Variants in TTC7B observed in about 807,000 individuals in gnomAD.
TTC7B encodes tetratricopeptide repeat protein 7B.
A neutral mutation model predicts 106.8 loss-of-function variants in TTC7B; 28 were observed. The ratio of observed to expected loss-of-function variants is 0.26; its 90% CI spans 0.19 to 0.36. The LOEUF (loss-of-function observed/expected upper bound fraction) is 0.36, where lower values mean the gene tolerates loss of function less well. Ranked by LOEUF, TTC7B falls within the 10% of genes least tolerant of loss-of-function variation. TTC7B has a pLI of 1.00. For missense variants in TTC7B, 862 were observed against 1,076.4 expected (o/e 0.80, Z 2.79); for synonymous variants, 405 against 430.6 (o/e 0.94, Z 0.74).
At position 90,617,944 on chromosome 14, in the gene TTC7B, T is replaced by C. The variant is rs1220385584; in HGVS notation, c.1853A>G (p.Asn618Ser). 13 of 1,613,532 alleles carry C rather than the reference T, an allele frequency of 8.1e-6. No individual in the cohort carries two copies. The highest frequency in any genetic ancestry group is 1.1e-5 in the Non-Finnish European group (13 of 1,179,616). Residue 618 changes from asparagine to serine, a missense_variant, in exon 16 of 20, where the codon AAC becomes AGC. Coordinates refer to ENST00000328459, the MANE Select transcript of TTC7B (RefSeq NM_001010854.2). The stretch of plus-strand genomic sequence containing the variant: ...GGCCTCTTACCTGGGGTTGGTGAGG[T>C]TGTAGCAGGATTTCCATATCTGCAG... ...HMLQIWKSCY[N>S]LTNPSDSGRG...
Position 90,618,746 on chromosome 14 carries a change from G to A in TTC7B, c.1752-701C>T, listed in dbSNP as rs538083555. Reference sequence around the variant, plus strand: ...CAGATTCTACTTATGTTTCTCTGCCGACATCAGCCTAGGTACCTGTAGACA... The same window carrying A: ...CAGATTCTACTTATGTTTCTCTGCCAACATCAGCCTAGGTACCTGTAGACA... On this transcript the variant is annotated intron_variant, in intron 15 of 19. Coordinates refer to ENST00000328459, the MANE Select transcript of TTC7B (RefSeq NM_001010854.2). Among the ~76,000 whole-genome samples, 7 of 152,246 alleles carry A rather than the reference G, an allele frequency of 4.6e-5. No individual in the cohort carries two copies. In the South Asian group the frequency reaches 1.5e-3, roughly 32 times the overall value.
intron 7 of TTC7B, among the ~76,000 whole-genome samples, chr14:90,689,019 G>A (rs957942749): frequency 2.6e-4 from 39 of 151,996 alleles, no homozygotes; most frequent in African/African-American, 9.4e-4. Flanking sequence ...AGGTGATCAA[G>A]TCTCAAATTT....
intron 1 of TTC7B, among the ~76,000 whole-genome samples, chr14:90,800,660 A>C (rs1004788473): frequency 2.0e-5 from 3 of 151,986 alleles, no homozygotes; most frequent in Non-Finnish European, 2.9e-5. Context: ...AAATACAAAA[A>C]ATTAGCCGGG....
intron 5 of TTC7B, among the ~76,000 whole-genome samples, chr14:90,714,122 T>C (rs1416685334): frequency 6.6e-6 from 1 of 151,692 alleles, no homozygotes; most frequent in Non-Finnish European, 1.5e-5. Context: ...CCCAGCTACT[T>C]GGGAGGCTGA....
chr14:90,612,676 G>A (rs1175452816), intron 16 of TTC7B, among the ~76,000 whole-genome samples: 2 of 152,168 alleles, frequency 1.3e-5, no homozygotes, highest in African/African-American at 4.8e-5. Flanking sequence ...ATGAAGATAA[G>A]GATTGTTGTC....
chr14:90,762,237 T>C (rs937650944), intron 3 of TTC7B, among the ~76,000 whole-genome samples: 2 of 152,204 alleles, frequency 1.3e-5, no homozygotes, highest in African/African-American at 2.4e-5. Context: ...ACACCATTGC[T>C]GGCAAAGGTG....
At chr14:90,572,738 C>A (rs1891081772) in intron 19 of TTC7B, among the ~76,000 whole-genome samples, 1 of 152,196 alleles carries the variant, frequency 6.6e-6, no homozygotes, top group Admixed American at 6.5e-5. Flanking sequence ...GCCCACCATG[C>A]CCGGAACAAA....
chr14:90,744,935 T>C lies in TTC7B; in HGVS notation c.446-13A>G, dbSNP rs370101637. On this transcript the variant is annotated splice_polypyrimidine_tract_variant and intron_variant, in intron 3 of 19. Transcript: ENST00000328459. Reference sequence around the variant, plus strand: ...TCCAAACAAAGTCCTTAAAAAAATATCAGACACAAAAACTGAGTGAATTTT... The same window carrying C: ...TCCAAACAAAGTCCTTAAAAAAATACCAGACACAAAAACTGAGTGAATTTT... 124 of 1,611,696 alleles carry C rather than the reference T, an allele frequency of 7.7e-5. No individual in the cohort carries two copies. Among genetic ancestry groups the C allele is most frequent in the Admixed American group, 1.8e-4 (11 of 59,510 alleles).
intron 15 of TTC7B, among the ~76,000 whole-genome samples, chr14:90,625,837 C>T (rs144279854): frequency 6.6e-6 from 1 of 152,358 alleles, no homozygotes; most frequent in African/African-American, 2.4e-5. Context: ...GATCATCTGG[C>T]TTACCCAATT....
At chr14:90,683,963 C>T (rs572842583) in intron 7 of TTC7B, among the ~76,000 whole-genome samples, 4 of 152,220 alleles carry the variant, frequency 2.6e-5, no homozygotes, top group East Asian at 3.9e-4. Context: ...ATTGTGTCCA[C>T]GGAAGGGCCT....
At chr14:90,783,509 T>C (rs927708190) in intron 2 of TTC7B, among the ~76,000 whole-genome samples, 7 of 152,350 alleles carry the variant, frequency 4.6e-5, no homozygotes, top group African/African-American at 7.2e-5. Flanking sequence ...TTTCTCCATT[T>C]GAGCCTCAAA....
At chr14:90,736,009 G>A (rs1566862645) in intron 4 of TTC7B, among the ~76,000 whole-genome samples, 3 of 151,692 alleles carry the variant, frequency 2.0e-5, no homozygotes, top group South Asian at 2.1e-4. Context: ...GTGTCATGTT[G>A]GTACAACACA....
At chr14:90,569,285 C>T (rs548316299) in intron 19 of TTC7B, among the ~76,000 whole-genome samples, 2 of 152,320 alleles carry the variant, frequency 1.3e-5, no homozygotes, top group South Asian at 2.1e-4. Context: ...TCCCTCTCCC[C>T]GGACCAGGAT....
Position 90,657,739 on chromosome 14 carries a change from G to C in TTC7B, c.1237-461C>G. 5.4e-6 allele frequency: 1 copy of C among 183,576 alleles called. No homozygotes were observed. Among genetic ancestry groups the C allele is most frequent in the South Asian group, 1.1e-4 (1 of 9,348 alleles). 11.4% of individuals were successfully genotyped at this position (183,576 alleles called of 1,614,324 possible). On this transcript the variant is annotated intron_variant, in intron 10 of 19. Transcript: ENST00000328459. This position sits in a 1 kb window ranked among gnomAD's most constrained non-coding sequence, Gnocchi z 4.2. ...TGAGTGTATACACAGCAAGGAGCGT[G>C]CCTCTAAACACCTCTGGTGTAGCAT...
intron 15 of TTC7B, among the ~76,000 whole-genome samples, chr14:90,618,653 T>A (rs965200408): frequency 1.3e-5 from 2 of 152,206 alleles, no homozygotes; most frequent in African/African-American, 4.8e-5. Flanking sequence ...CCACCCTCCA[T>A]CCAGACCTTC....
chr14:90,776,408 C>T (rs1188283480), intron 3 of TTC7B, among the ~76,000 whole-genome samples: 1 of 152,082 alleles, frequency 6.6e-6, no homozygotes, highest in Non-Finnish European at 1.5e-5. Flanking sequence ...TGACCTTCTT[C>T]TAGGAATGCT....
chr14:90,660,281 T>C (rs868141493), intron 9 of TTC7B, among the ~76,000 whole-genome samples: 6 of 148,298 alleles, frequency 4.0e-5, no homozygotes, highest in Middle Eastern at 3.5e-3. Context: ...TCCCAGTTAC[T>C]CAGGAGGCTG....
At chr14:90,753,587 G>A (rs1890198605) in intron 3 of TTC7B, among the ~76,000 whole-genome samples, 1 of 152,218 alleles carries the variant, frequency 6.6e-6, no homozygotes, top group Admixed American at 6.5e-5. Flanking sequence ...AGGAGAAGAT[G>A]CCAATGGAAA....
At chr14:90,812,849 T>C (rs1440583989) in intron 1 of TTC7B, among the ~76,000 whole-genome samples, 1 of 152,168 alleles carries the variant, frequency 6.6e-6, no homozygotes, top group Non-Finnish European at 1.5e-5. Context: ...AACCAATTCA[T>C]CTCAAAGGAG....
Sources: gnomAD v4.1 joint callset for allele counts (sites outside exome capture counted in the v4.1 genomes callset) on GRCh38, gnomAD v4.1.1 for gene constraint, Gnocchi (gnomAD v3.1) non-coding constraint, MANE v1.5 for transcripts, NCBI Gene and HGNC (gene_info 2026-07-23, HGNC 2026-07-21) for gene names.